The following SLC25A48 variants were observed in gnomAD, a reference collection of about 807,000 sequenced individuals.
SLC25A48 encodes the protein solute carrier family 25 member 48, also known as CTC-321K16.1.
Under a neutral mutation model 32.2 loss-of-function variants are expected in SLC25A48, and 29 were observed. The ratio of observed to expected loss-of-function variants is 0.90; its 90% CI spans 0.67 to 1.23. The LOEUF (loss-of-function observed/expected upper bound fraction) is 1.23. Among genes scored for constraint, SLC25A48 ranks in the 50% most tolerant of loss-of-function variants. The probability of loss-of-function intolerance (pLI) is 0.00; values close to 1 mark genes in which losing one functional copy is unlikely to be tolerated. For missense variants in SLC25A48, 399 were observed against 422.7 expected (o/e 0.94, Z 0.49); for synonymous variants, 164 against 172.3 (o/e 0.95, Z 0.38).
At chr5:135,824,154 C>A (rs1289998392) in intron 4 of SLC25A48, among the ~76,000 whole-genome samples, 1 of 152,156 alleles carries the variant, frequency 6.6e-6, no homozygotes, top group Admixed American at 6.5e-5. Flanking sequence ...AGTCCAGGAG[C>A]AGATCTTGGC....
chr5:135,782,936 G>A lies in SLC25A48; in HGVS notation c.-520-29587G>A, dbSNP rs1405081632. Among the ~76,000 whole-genome samples, 13 of 68,350 alleles carry A rather than the reference G, an allele frequency of 1.9e-4. 3 individuals are homozygous for A. The highest frequency in any genetic ancestry group is 4.1e-4 in the East Asian group (1 of 2,458). 44.8% of individuals were successfully genotyped at this position (68,350 alleles called of 152,430 possible). ...AGAAGATGATATTACTCCCAATATC[G>A]CAGGGGGTGTGCACCCCCACTGTGA... On this transcript the variant is annotated intron_variant, in intron 3 of 10. Transcript: ENST00000646290.
rs867073014 is a variant in SLC25A48, at chr5:135,879,059, G to A, written c.814-909G>A. Among the ~76,000 whole-genome samples, 8 of 152,150 alleles carry A rather than the reference G, an allele frequency of 5.3e-5. No homozygotes were observed. The South Asian group carries it at 8.3e-4, about 16-fold the overall frequency. On this transcript the variant is annotated intron_variant, in intron 6 of 7. Coordinates refer to ENST00000681962, the MANE Select transcript of SLC25A48 (RefSeq NM_001349336.2). ...ATTGAGGGAGGAAAGGAAGATCATA[G>A]GCAGTGTTTGGGAAGCATCACATAA...
chr5:135,803,280 C>G (rs1261839656), intron 3 of SLC25A48, among the ~76,000 whole-genome samples: 1 of 151,504 alleles, frequency 6.6e-6, no homozygotes, highest in East Asian at 1.9e-4. Flanking sequence ...CCTAATATCA[C>G]AGTGGGTGTA....
At chr5:135,821,839 G>C (rs1429606919) in intron 4 of SLC25A48, 1 of 152,232 alleles carries the variant, frequency 6.6e-6, no homozygotes, top group Non-Finnish European at 1.5e-5. Flanking sequence ...TGCCGAGGGA[G>C]GCTTTGTCTT....
chr5:135,643,124 C>T (rs768911943), intron 3 of SLC25A48, among the ~76,000 whole-genome samples: 11 of 152,282 alleles, frequency 7.2e-5, no homozygotes, highest in Middle Eastern at 3.4e-3. Context: ...TCCCGTCACC[C>T]GGACTGCGAC....
chr5:135,718,335 C>T (rs1754858958), intron 3 of SLC25A48, among the ~76,000 whole-genome samples: 1 of 152,160 alleles, frequency 6.6e-6, no homozygotes, highest in Non-Finnish European at 1.5e-5. Context: ...AAAGCCTTTT[C>T]CTTGCATCAA....
chr5:135,875,027 G>A (rs756696121), intron 6 of SLC25A48: 2 of 325,408 alleles, frequency 6.1e-6, no homozygotes, highest in Non-Finnish European at 5.5e-6. Flanking sequence ...GGCATTTGTG[G>A]GTTAATACAA....
At chr5:135,651,248 T>A (rs2126925547) in intron 3 of SLC25A48, among the ~76,000 whole-genome samples, 1 of 152,308 alleles carries the variant, frequency 6.6e-6, no homozygotes, top group East Asian at 1.9e-4. Flanking sequence ...GCCTTGCTCC[T>A]GCAGATGGGG....
At chr5:135,862,339 T>A (rs1481253458) in intron 4 of SLC25A48, among the ~76,000 whole-genome samples, 2 of 152,248 alleles carry the variant, frequency 1.3e-5, no homozygotes, top group Non-Finnish European at 2.9e-5. Flanking sequence ...AACAGGAGGT[T>A]GGAGTTGGGA....
chr5:135,651,417 G>A lies in SLC25A48; in HGVS notation c.-521+16461G>A, dbSNP rs561683723. The stretch of plus-strand genomic sequence containing the variant: ...CAGTGAGTTCCTAGGCATGGCATGT[G>A]TGGACACCTTCCCCTGACACCTTAG... On this transcript the variant is annotated intron_variant, in intron 3 of 10. Coordinates refer to the SLC25A48 transcript ENST00000646290. 2.8e-4 allele frequency among the ~76,000 whole-genome samples: 42 copies of A among 152,268 alleles called. 1 individual carries two copies. Among genetic ancestry groups the A allele is most frequent in the African/African-American group, 9.9e-4 (41 of 41,572 alleles).
chr5:135,813,639 C>T lies in SLC25A48; in HGVS notation c.-117+713C>T, dbSNP rs112156450. Among the ~76,000 whole-genome samples, 319 of 152,296 alleles carry T rather than the reference C, an allele frequency of 2.1e-3. 2 individuals carry two copies. The highest frequency in any genetic ancestry group is 7.7e-4 in the East Asian group (4 of 5,176). ...GACATTACTCTGAAAGTTTGTCCTT[C>T]GGACACGACAAACTTCTTATCTGAA... is the stretch of plus-strand genomic sequence containing the variant. On this transcript the variant is annotated intron_variant, in intron 4 of 10. Coordinates refer to the SLC25A48 transcript ENST00000646290.
intron 3 of SLC25A48, among the ~76,000 whole-genome samples, chr5:135,753,763 T>A (rs941460393): frequency 7.9e-5 from 12 of 151,984 alleles, no homozygotes; most frequent in African/African-American, 2.2e-4. Flanking sequence ...TTGTACACCC[T>A]GTGTGTACAC....
chr5:135,615,178 G>A (rs1752157243), intron 1 of SLC25A48, among the ~76,000 whole-genome samples: 1 of 152,226 alleles, frequency 6.6e-6, no homozygotes, highest in Non-Finnish European at 1.5e-5. Flanking sequence ...ACCTGAAAAT[G>A]TGGAAGCAAC....
At chr5:135,588,274 G>T (rs1458905999) in intron 1 of SLC25A48, among the ~76,000 whole-genome samples, 1 of 152,178 alleles carries the variant, frequency 6.6e-6, no homozygotes, top group East Asian at 1.9e-4. Context: ...GACTAAATTT[G>T]TTTATCCTGT....
intron 4 of SLC25A48, chr5:135,813,029 T>A (rs929076510): frequency 1.3e-5 from 2 of 152,242 alleles, no homozygotes; most frequent in African/African-American, 4.8e-5. Context: ...AAGCCTGCCT[T>A]TAATTATGAG....
rs181491988 is a variant in SLC25A48 at position 135,622,077 on chromosome 5, T to G, written c.-848-7160T>G. On this transcript the variant is annotated intron_variant, in intron 1 of 10. Transcript: ENST00000646290. ...AGAACGGAGAAGGCCAAGAAGCATA[T>G]GGAAAAATGCCAGACTTCACTGACA... Among the ~76,000 whole-genome samples the G allele has an allele frequency of 3.3e-5, 5 of 152,252 alleles. No homozygotes were observed. In the East Asian group the frequency reaches 9.6e-4, roughly 29 times the overall value.
intron 4 of SLC25A48, among the ~76,000 whole-genome samples, chr5:135,818,073 CT>C (rs1561507356): frequency 2.5e-5 from 1 of 40,270 alleles, no homozygotes; most frequent in Non-Finnish European, 7.1e-5. Flanking sequence ...CTCTCTCTCT[CT>C]CTCTCTCTCT....
chr5:135,744,203 C>T (rs1287644831), intron 3 of SLC25A48, among the ~76,000 whole-genome samples: 3 of 152,124 alleles, frequency 2.0e-5, no homozygotes, highest in African/African-American at 7.2e-5. Context: ...TATATAAACA[C>T]GAGCCTCCTG....
At chr5:135,870,087 C>T (rs1413352579) in intron 4 of SLC25A48, among the ~76,000 whole-genome samples, 1 of 152,190 alleles carries the variant, frequency 6.6e-6, no homozygotes, top group African/African-American at 2.4e-5. Context: ...AACCTTTCCT[C>T]TGATAAAGAT....
Sources: allele counts gnomAD v4.1 joint callset (sites outside exome capture counted in the v4.1 genomes callset), GRCh38; gene constraint gnomAD v4.1.1; transcripts MANE v1.5; gene names NCBI Gene and HGNC (gene_info 2026-07-23, HGNC 2026-07-21).